Variants in KCNQ2 observed in about 807,000 individuals in gnomAD.
The protein encoded by KCNQ2 is potassium voltage-gated channel subfamily KQT member 2.
Under a neutral mutation model 84.8 loss-of-function variants are expected in KCNQ2, and 14 were observed. The ratio of observed to expected loss-of-function variants is 0.17; its 90% confidence interval spans 0.11 to 0.26. The LOEUF is 0.26. KCNQ2 is among the 10% of genes least tolerant of loss of function. KCNQ2 has a pLI of 1.00. For synonymous variants in KCNQ2, 599 were observed against 554.1 expected, an observed-to-expected ratio of 1.08 and a Z score of -1.14; for missense variants, 788 against 1,254.0, an observed-to-expected ratio of 0.63 and a Z score of 5.61.
chr20:63,419,612 G>A lies in KCNQ2; in HGVS notation c.1301+7C>T, dbSNP rs374877247. 312 of 1,608,470 alleles carry A rather than the reference G, an allele frequency of 1.9e-4. No homozygotes were observed. The highest frequency in any genetic ancestry group is 1.7e-3 in the Middle Eastern group (10 of 5,868). On this transcript the variant is annotated splice_region_variant and intron_variant, in intron 12 of 16. Transcript: ENST00000359125. ...GCCGTCAGTCCGTGCGGCGTGTTCC[G>A]CGGTACCTAGAGCGTCCGGGGCAGC... is the stretch of plus-strand genomic sequence containing the variant.
chr20:63,421,824 C>T (rs142835076), intron 11 of KCNQ2, among the ~76,000 whole-genome samples: 169 of 152,168 alleles, frequency 1.1e-3, no homozygotes, highest in African/African-American at 3.8e-3. Flanking sequence ...AGAGACCCCC[C>T]GGGACCCCCC....
In KCNQ2 at chr20:63,425,486, G is replaced by A. The variant is rs953919290; in HGVS notation, c.1218-1280C>T. Among the ~76,000 whole-genome samples the A allele has an allele frequency of 5.3e-5, 8 of 152,112 alleles. No individual in the cohort carries two copies. The highest frequency in any genetic ancestry group is 1.4e-4 in the African/African-American group (6 of 41,416). On this transcript the variant is annotated intron_variant, in intron 10 of 16. Transcript: ENST00000359125. The surrounding 1 kb of genome is among the most constrained non-coding windows in gnomAD (Gnocchi z 5.5). ...TGTAATCCCAGCACTTTGGGAGGCC[G>A]AGGCGGGTGGATCACCTGAGGTCAG... is the stretch of plus-strand genomic sequence containing the variant.
chr20:63,467,917 C>G (rs1378775648), intron 1 of KCNQ2, among the ~76,000 whole-genome samples: 1 of 152,192 alleles, frequency 6.6e-6, no homozygotes, highest in Non-Finnish European at 1.5e-5. Flanking sequence ...GCAGTGATTT[C>G]TAATAAAACA....
At chr20:63,420,203 G>A (rs1367388341) in intron 11 of KCNQ2, among the ~76,000 whole-genome samples, 6 of 152,230 alleles carry the variant, frequency 3.9e-5, no homozygotes, top group Non-Finnish European at 8.8e-5. Context: ...CTGCAGGCAT[G>A]GCTATCTGGG....
At chr20:63,428,741 AG>A (rs2080707495) in intron 9 of KCNQ2, among the ~76,000 whole-genome samples, 1 of 152,268 alleles carries the variant, frequency 6.6e-6, no homozygotes, top group East Asian at 1.9e-4. Flanking sequence ...AGCCTGGAGC[AG>A]GTGGAGGAGG....
intron 15 of KCNQ2, 115 bp downstream of exon 15, chr20:63,413,335 G>C: frequency 8.0e-7 from 1 of 1,256,992 alleles, no homozygotes; most frequent in South Asian, 1.3e-5. Context: ...GACGTGGGTG[G>C]GGAGGAGGCC....
rs527737774 is a variant in KCNQ2 at position 63,402,493 on chromosome 20, G to A, written c.*4151C>T. On this transcript the variant is annotated 3_prime_UTR_variant, in exon 17 of 17. Transcript: ENST00000359125. ...AGAGCCCAGCTCTTTCTAGAGAGAA[G>A]GGGGTGTCCTTTATGGGGGTCCCTG... 2.0e-5 allele frequency: 3 copies of A among 152,516 alleles called. No individual in the cohort carries two copies. Among genetic ancestry groups the A allele is most frequent in the Admixed American group, 1.3e-4 (2 of 15,312 alleles). 9.4% of individuals were successfully genotyped at this position (152,516 alleles called of 1,614,324 possible).
intron 1 of KCNQ2, among the ~76,000 whole-genome samples, chr20:63,449,929 T>C (rs1465367460): frequency 2.6e-5 from 4 of 151,424 alleles, no homozygotes; most frequent in African/African-American, 7.3e-5. Context: ...TGGGCCCACA[T>C]CTGACACACA....
At chr20:63,443,275 C>G (rs1474953603) in intron 4 of KCNQ2, among the ~76,000 whole-genome samples, 1 of 106,796 alleles carries the variant, frequency 9.4e-6, no homozygotes, top group Non-Finnish European at 2.0e-5. Flanking sequence ...TCATCACCAC[C>G]ATCACCATCA....
intron 1 of KCNQ2, among the ~76,000 whole-genome samples, chr20:63,447,892 CG>C (rs2081481856): frequency 6.6e-6 from 1 of 152,110 alleles, no homozygotes; most frequent in South Asian, 2.1e-4. Flanking sequence ...CTACCATGCT[CG>C]GCCCAAATGC....
chr20:63,445,417 G>C, intron 2 of KCNQ2, 53 bp from the exon 3 acceptor site: 2 of 1,603,174 alleles, frequency 1.2e-6, no homozygotes, highest in Non-Finnish European at 8.5e-7. Flanking sequence ...GGGCCTGGGG[G>C]CCCAGCCTGG....
intron 8 of KCNQ2, among the ~76,000 whole-genome samples, chr20:63,431,982 A>AGGGAAGGCTCCACCCTCT: frequency 6.9e-6 from 1 of 145,462 alleles, no homozygotes; most frequent in East Asian, 2.1e-4. Flanking sequence ...CCCCACCCGC[A>AGGGAAGGCTCCACCCTCT]GGGAAGGCCC....
chr20:63,411,822 G>C, intron 15 of KCNQ2: 1 of 691,900 alleles, frequency 1.4e-6, no homozygotes, highest in South Asian at 1.6e-5. Context: ...TGGGTCCTTT[G>C]GTGGGGTACT....
intron 1 of KCNQ2, chr20:63,471,102 C>A (rs973148011): frequency 2.0e-5 from 3 of 152,356 alleles, no homozygotes; most frequent in South Asian, 4.1e-4. Context: ...GGGGCACACA[C>A]CCCTCTCGGC....
chr20:63,464,565 G>A (rs559358035), intron 1 of KCNQ2, among the ~76,000 whole-genome samples: 4 of 152,080 alleles, frequency 2.6e-5, no homozygotes, highest in South Asian at 2.1e-4. Flanking sequence ...AGCTCCCACC[G>A]GGGCCGCCTA....
rs2079990472 is a variant in KCNQ2, at chr20:63,407,620, A to T, written c.1888-245T>A. Reference sequence around the variant, plus strand: ...GAGAGACCCAGGCTAGTCCCAGGAAATGGGGGACCCAGGCTAGTCCCAGGA... The same window carrying T: ...GAGAGACCCAGGCTAGTCCCAGGAATTGGGGGACCCAGGCTAGTCCCAGGA... On this transcript the variant is annotated intron_variant, in intron 16 of 16. Coordinates refer to ENST00000359125, the MANE Select transcript of KCNQ2 (RefSeq NM_172107.4). The surrounding 1 kb of genome is among the most constrained non-coding windows in gnomAD (Gnocchi z 7.2). Among the ~76,000 whole-genome samples, 2 of 148,698 alleles carry T rather than the reference A, an allele frequency of 1.3e-5. No homozygotes were observed. Among genetic ancestry groups the T allele is most frequent in the Non-Finnish European group, 3.0e-5 (2 of 67,158 alleles).
Position 63,438,622 on chromosome 20 carries a change from C to T in KCNQ2, c.1023+3G>A, listed in dbSNP as rs1363790263. 6.2e-7 allele frequency: 1 copy of T among 1,613,150 alleles called. No individual in the cohort carries two copies. Among genetic ancestry groups the T allele is most frequent in the African/African-American group, 1.3e-5 (1 of 74,888 alleles). ...CTGGTCCCCGGGGGACACCTGGACT[C>T]ACCTGGATCAGGCCTGCTGCCGGGT... On this transcript the variant is annotated splice_donor_region_variant and intron_variant, in intron 7 of 16. Transcript: ENST00000359125. This position sits in a 1 kb window ranked among gnomAD's most constrained non-coding sequence, Gnocchi z 5.1.
chr20:63,449,325 GCTGACATCGGTGTGTCC>G (rs2081536194), intron 1 of KCNQ2: 1 of 152,312 alleles, frequency 6.6e-6, no homozygotes. Flanking sequence ...GCTATGAGCA[GCTGACATCGGTGTGTCC>G]CTGCTGCGAG....
At chr20:63,447,171 T>G (rs2081455615) in intron 1 of KCNQ2, among the ~76,000 whole-genome samples, 1 of 151,680 alleles carries the variant, frequency 6.6e-6, no homozygotes, top group South Asian at 2.1e-4. Context: ...TTTGGCAACG[T>G]CTCCAAAACT....
Sources: gnomAD v4.1 joint callset for allele counts (sites outside exome capture counted in the v4.1 genomes callset) on GRCh38, gnomAD v4.1.1 for gene constraint, Gnocchi (gnomAD v3.1) non-coding constraint, MANE v1.5 for transcripts, NCBI Gene and HGNC (gene_info 2026-07-23, HGNC 2026-07-21) for gene names.